Variants in REG4 observed in about 807,000 individuals in gnomAD.
REG4 encodes regenerating family member 4.
Under a neutral mutation model 22.3 loss-of-function variants are expected in REG4, and 16 were observed. The observed-to-expected ratio is 0.72, with a 90% CI of 0.49 to 1.09. The LOEUF is 1.09. Ranked by LOEUF, REG4 falls within the 50% of genes least tolerant of loss-of-function variation. The pLI, the probability that REG4 is intolerant of heterozygous loss-of-function variation, is 0.00. For synonymous variants in REG4, 71 were observed against 69.2 expected (o/e 1.03, Z -0.13); for missense variants, 214 against 193.9 (o/e 1.10, Z -0.61).
chr1:119,803,591 A>G (rs1654192447), intron 2 of REG4, among the ~76,000 whole-genome samples: 1 of 152,202 alleles, frequency 6.6e-6, no homozygotes, highest in African/African-American at 2.4e-5. Flanking sequence ...ATACATACAT[A>G]ATTGGACTAG....
intron 2 of REG4, among the ~76,000 whole-genome samples, chr1:119,804,574 A>G (rs1213795269): frequency 6.6e-6 from 1 of 152,262 alleles, no homozygotes; most frequent in Non-Finnish European, 1.5e-5. Flanking sequence ...CAGCAAAGAT[A>G]TTCATGTATT....
chr1:119,809,023 T>C (rs1654418005), intron 1 of REG4, 160 bp from the exon 2 acceptor site: 4 of 411,374 alleles, frequency 9.7e-6, no homozygotes, highest in South Asian at 6.9e-5. Flanking sequence ...GAGATTTTGT[T>C]CTTACCTGCA....
intron 1 of REG4, chr1:119,809,103 A>C (rs954491920): frequency 1.5e-5 from 3 of 195,258 alleles, no homozygotes; most frequent in Non-Finnish European, 3.1e-5. Flanking sequence ...GCATGGAGGC[A>C]ATTTGTAAAC....
intron 3 of REG4, chr1:119,802,297 C>T: frequency 1.0e-6 from 1 of 972,340 alleles, no homozygotes; most frequent in South Asian, 4.8e-5. Flanking sequence ...TGCATTAATC[C>T]TGGGCTTTCT....
chr1:119,807,940 A>G (rs1275988336), intron 2 of REG4, among the ~76,000 whole-genome samples: 1 of 152,162 alleles, frequency 6.6e-6, no homozygotes, highest in Non-Finnish European at 1.5e-5. Flanking sequence ...ATGCTCAAGT[A>G]TGGATTCTTC....
chr1:119,811,048 C>A (rs1654480213), intron 1 of REG4, among the ~76,000 whole-genome samples: 1 of 151,938 alleles, frequency 6.6e-6, no homozygotes, highest in East Asian at 1.9e-4. Context: ...AGCAAGACTC[C>A]ATAAAAAAAC....
chr1:119,806,999 TA>T (rs1654340889), intron 2 of REG4, among the ~76,000 whole-genome samples: 1 of 152,248 alleles, frequency 6.6e-6, no homozygotes, highest in African/African-American at 2.4e-5. Context: ...AGTAGCTAGT[TA>T]AAACCTGAAG....
intron 2 of REG4, among the ~76,000 whole-genome samples, chr1:119,805,071 A>G (rs919439538): frequency 6.6e-6 from 1 of 152,230 alleles, no homozygotes; most frequent in African/African-American, 2.4e-5. Context: ...TTAAAAATCT[A>G]TGTTACTGCC....
At chr1:119,807,737 A>C (rs1202970649) in intron 2 of REG4, among the ~76,000 whole-genome samples, 1 of 152,242 alleles carries the variant, frequency 6.6e-6, no homozygotes. Flanking sequence ...CATGAAAGAC[A>C]TATTAGGGAT....
chr1:119,803,215 A>G lies in REG4; in HGVS notation c.68-50T>C, dbSNP rs145105697. On this transcript the variant is annotated intron_variant, in intron 2 of 5. Transcript: ENST00000256585. ...CACATTATGATAGCAAAAACAATCA[A>G]TTCCCAGACTTGATACAGTTTGCAA... is the stretch of plus-strand genomic sequence containing the variant. 3.0e-4 allele frequency: 453 copies of G among 1,486,048 alleles called. 2 individuals carry two copies. The African/African-American group carries it at 5.8e-3, about 19-fold the overall frequency. The allele number at this position is 1,486,048 out of a possible 1,614,324, so 92.1% of individuals were successfully genotyped here.
intron 3 of REG4, among the ~76,000 whole-genome samples, 185 bp from the exon 4 acceptor site, chr1:119,800,047 G>A (rs759557252): frequency 6.6e-6 from 1 of 152,128 alleles, no homozygotes; most frequent in Non-Finnish European, 1.5e-5. Flanking sequence ...GCAGCGTTCG[G>A]TCTCAGAGAA....
rs765045879 is a variant in REG4, at chr1:119,794,129, C to A, written c.*489G>T. ...TATTAAAGGAATGTATGGCCCACAT[C>A]AACCTAGCAAGGATTCTACTGGTAA... On this transcript the variant is annotated 3_prime_UTR_variant, in exon 6 of 6. Transcript: ENST00000256585. 23 of 533,826 alleles carry A rather than the reference C, an allele frequency of 4.3e-5. No homozygotes were observed. In the Admixed American group the frequency reaches 4.5e-4, roughly 10 times the overall value. 33.1% of individuals were successfully genotyped at this position (533,826 alleles called of 1,614,324 possible).
At chr1:119,808,109 G>A (rs1305505045) in intron 2 of REG4, among the ~76,000 whole-genome samples, 2 of 152,220 alleles carry the variant, frequency 1.3e-5, no homozygotes, top group South Asian at 2.1e-4. Flanking sequence ...CATTACACCA[G>A]ATGAGATCAC....
At chr1:119,807,475 TC>T in intron 2 of REG4, among the ~76,000 whole-genome samples, 1 of 152,304 alleles carries the variant, frequency 6.6e-6, no homozygotes, top group East Asian at 1.9e-4. Flanking sequence ...TGTATCACAT[TC>T]CCCAGGATAT....
At position 119,794,417 on chromosome 1, in the gene REG4, G is replaced by A. The variant is rs1166076264; in HGVS notation, c.*201C>T. On this transcript the variant is annotated 3_prime_UTR_variant, in exon 6 of 6. Transcript: ENST00000256585. ...AGGATACTGTGGAAAGGGATGGCGGGGCAAACATTTAGAGCTAGAAGCCAC... is the reference window on the plus strand; with the variant it reads ...AGGATACTGTGGAAAGGGATGGCGGAGCAAACATTTAGAGCTAGAAGCCAC... 5 of 642,464 alleles carry A rather than the reference G, an allele frequency of 7.8e-6. No homozygotes were observed. The highest frequency in any genetic ancestry group is 1.4e-5 in the Non-Finnish European group (5 of 354,726). The allele number at this position is 642,464 out of a possible 1,614,324, so 39.8% of individuals were successfully genotyped here.
At chr1:119,810,992 T>C (rs1654478129) in intron 1 of REG4, among the ~76,000 whole-genome samples, 1 of 152,054 alleles carries the variant, frequency 6.6e-6, no homozygotes, top group African/African-American at 2.4e-5. Flanking sequence ...AGGCAGAAGT[T>C]GCAGTGAGCC....
chr1:119,807,141 G>A (rs587694847), intron 2 of REG4, among the ~76,000 whole-genome samples: 27 of 152,326 alleles, frequency 1.8e-4, no homozygotes, highest in African/African-American at 6.0e-4. Flanking sequence ...ATTGCTTCAG[G>A]TGAAGGGCAG....
intron 5 of REG4, among the ~76,000 whole-genome samples, chr1:119,796,624 T>C (rs1035350402): frequency 6.6e-6 from 1 of 152,128 alleles, no homozygotes; most frequent in African/African-American, 2.4e-5. Context: ...CTGAGGGGGA[T>C]GGGCTTTTAA....
chr1:119,794,524 G>C lies in REG4; in HGVS notation c.*94C>G. 1 of 1,182,392 alleles carries C rather than the reference G, an allele frequency of 8.5e-7. No homozygotes were observed. The highest frequency in any genetic ancestry group is 1.2e-5 in the South Asian group (1 of 81,938). 73.2% of individuals were successfully genotyped at this position (1,182,392 alleles called of 1,614,324 possible). A position where few individuals can be genotyped will look rare whatever the true frequency, so the allele number is the denominator to read the frequency against. On this transcript the variant is annotated 3_prime_UTR_variant, in exon 6 of 6. Coordinates refer to ENST00000256585, the MANE Select transcript of REG4 (RefSeq NM_032044.4). ...GCCCTTATCACTCTTAGTTTGCTAG[G>C]TTTCCCCTCTGAAATAATGAGCAGA...
Sources: allele counts gnomAD v4.1 joint callset (sites outside exome capture counted in the v4.1 genomes callset), GRCh38; gene constraint gnomAD v4.1.1; transcripts MANE v1.5; gene names NCBI Gene and HGNC (gene_info 2026-07-23, HGNC 2026-07-21).